The following CDH18 variants were observed in gnomAD, a reference collection of about 807,000 sequenced individuals.
CDH18 encodes the protein cadherin 18, also known as cadherin-18.
A neutral mutation model predicts 67.9 loss-of-function variants in CDH18; 31 were observed. The observed-to-expected ratio is 0.46, with a 90% confidence interval of 0.34 to 0.62. CDH18 has a LOEUF of 0.62. Among genes scored for constraint, CDH18 ranks in the 20% least tolerant of loss-of-function variants. CDH18 has a pLI of 0.01. For synonymous variants in CDH18, 362 were observed against 347.2 expected (o/e 1.04, Z -0.48); for missense variants, 890 against 975.5 (o/e 0.91, Z 1.17).
chr5:20,569,451 T>C (rs1255908482), intron 1 of CDH18, among the ~76,000 whole-genome samples: 1 of 151,996 alleles, frequency 6.6e-6, no homozygotes, highest in Non-Finnish European at 1.5e-5. Flanking sequence ...GGAAACCCCA[T>C]CTCTACTGAA....
At chr5:19,955,413 GGGTATTTTA>G (rs1796167672) in intron 2 of CDH18, among the ~76,000 whole-genome samples, 1 of 152,002 alleles carries the variant, frequency 6.6e-6, no homozygotes, top group Non-Finnish European at 1.5e-5. Context: ...CAAAAACACT[GGGTATTTTA>G]ACAATGGAAT....
chr5:19,514,180 C>T (rs1745560180), intron 10 of CDH18, among the ~76,000 whole-genome samples: 1 of 152,124 alleles, frequency 6.6e-6, no homozygotes. Context: ...GGGAACTCAT[C>T]GTTTTTATGG....
intron 2 of CDH18, among the ~76,000 whole-genome samples, chr5:19,941,978 G>A (rs895320256): frequency 5.9e-5 from 9 of 152,076 alleles, no homozygotes; most frequent in Non-Finnish European, 1.2e-4. Flanking sequence ...CTCCCTTCAA[G>A]TTGACCTTCT....
chr5:19,473,807 C>G lies in CDH18; in HGVS notation c.1883-91G>C. 3 of 1,097,940 alleles carry G rather than the reference C, an allele frequency of 2.7e-6. No individual in the cohort carries two copies. The South Asian group carries it at 4.5e-5, about 16-fold the overall frequency. 68.0% of individuals were successfully genotyped at this position (1,097,940 alleles called of 1,614,324 possible). On this transcript the variant is annotated intron_variant, in intron 12 of 12. Coordinates refer to ENST00000382275, the MANE Select transcript of CDH18 (RefSeq NM_004934.5). ...AACAGCAATTTCCCATTTTCCCATT[C>G]GTCATTAACCACATTCCAGAGTTAG...
At chr5:20,025,644 G>T (rs1300163247) in intron 2 of CDH18, among the ~76,000 whole-genome samples, 1 of 152,102 alleles carries the variant, frequency 6.6e-6, no homozygotes, top group African/African-American at 2.4e-5. Flanking sequence ...GCCCAAATAT[G>T]ATTTTCTTTT....
intron 10 of CDH18, among the ~76,000 whole-genome samples, chr5:19,512,819 A>G (rs1221237246): frequency 6.6e-6 from 1 of 152,050 alleles, no homozygotes; most frequent in Non-Finnish European, 1.5e-5. Context: ...AAATATTTTA[A>G]TTATGACATT....
In CDH18 at chr5:19,785,890, CTA is replaced by C. The variant is rs1775727179; in HGVS notation, c.229-38656_229-38655del. Among the ~76,000 whole-genome samples, 9 of 150,550 alleles carry C rather than the reference CTA, an allele frequency of 6.0e-5. No individual in the cohort carries two copies. The South Asian group carries it at 1.9e-3, about 32-fold the overall frequency. On this transcript the variant is annotated intron_variant, in intron 3 of 12. Transcript: ENST00000382275. ...TAGTTATTGTTAAAATCTTGAAAGA[CTA>C]AAACTAATTTAATTTACATGTTCAG...
intron 2 of CDH18, among the ~76,000 whole-genome samples, chr5:19,915,510 A>G (rs1791665686): frequency 6.6e-6 from 1 of 152,182 alleles, no homozygotes; most frequent in Non-Finnish European, 1.5e-5. Flanking sequence ...CCTACTGTTG[A>G]CTGGAAGCCT....
chr5:20,531,774 G>A (rs1037798111), intron 1 of CDH18, among the ~76,000 whole-genome samples: 1 of 152,000 alleles, frequency 6.6e-6, no homozygotes, highest in Non-Finnish European at 1.5e-5. Flanking sequence ...TTAGGATAAA[G>A]AGCTAATACA....
chr5:20,071,486 G>T (rs1431934700), intron 2 of CDH18, among the ~76,000 whole-genome samples: 1 of 151,978 alleles, frequency 6.6e-6, no homozygotes, highest in East Asian at 1.9e-4. Context: ...AATGTGCACA[G>T]GCTACTGGAG....
intron 5 of CDH18, among the ~76,000 whole-genome samples, chr5:19,718,487 A>G (rs1406361768): frequency 6.6e-6 from 1 of 151,986 alleles, no homozygotes; most frequent in Non-Finnish European, 1.5e-5. Context: ...AATTTCAACT[A>G]AATTCATTAG....
At position 19,811,158 on chromosome 5, in the gene CDH18, GA is replaced by G. The variant is rs1467648638; in HGVS notation, c.228+27600del. On this transcript the variant is annotated intron_variant, in intron 3 of 12. Coordinates refer to ENST00000382275, the MANE Select transcript of CDH18 (RefSeq NM_004934.5). The stretch of plus-strand genomic sequence containing the variant: ...AGAAAGAAAGAAAGAAAGAAAGAAA[GA>G]AGGAGAGAAAGAAAGAGAAGAAAGA... 3.7e-3 allele frequency among the ~76,000 whole-genome samples: 69 copies of G among 18,520 alleles called. 3 individuals carry two copies. Among genetic ancestry groups the G allele is most frequent in the Non-Finnish European group, 3.9e-3 (40 of 10,228 alleles). 12.1% of individuals were successfully genotyped at this position (18,520 alleles called of 152,430 possible). A position where few individuals can be genotyped will look rare whatever the true frequency, so the allele number is the denominator to read the frequency against.
At chr5:19,642,854 A>T (rs1754215337) in intron 5 of CDH18, among the ~76,000 whole-genome samples, 1 of 152,124 alleles carries the variant, frequency 6.6e-6, no homozygotes, top group Non-Finnish European at 1.5e-5. Flanking sequence ...ATTTGCTGCA[A>T]ATAAAACAAT....
At chr5:20,008,506 C>A (rs945584585) in intron 2 of CDH18, among the ~76,000 whole-genome samples, 4 of 152,070 alleles carry the variant, frequency 2.6e-5, no homozygotes, top group African/African-American at 9.7e-5. Flanking sequence ...GTATAACAAC[C>A]GTGTTTCCCA....
At chr5:20,328,138 G>T (rs28441634) in intron 1 of CDH18, among the ~76,000 whole-genome samples, 14,814 of 151,942 alleles carry the variant, frequency 0.097, 1,185 homozygotes, top group East Asian at 0.37. Flanking sequence ...TAGGGGCTTT[G>T]TGGGACTTAG....
At chr5:19,496,421 C>T (rs552171740) in intron 11 of CDH18, among the ~76,000 whole-genome samples, 1 of 152,272 alleles carries the variant, frequency 6.6e-6, no homozygotes, top group Admixed American at 6.5e-5. Context: ...GTGTTGGAAT[C>T]TTAGTCACCG....
intron 9 of CDH18, among the ~76,000 whole-genome samples, chr5:19,532,743 G>A (rs1748835241): frequency 6.6e-6 from 1 of 152,212 alleles, no homozygotes; most frequent in Non-Finnish European, 1.5e-5. Context: ...TGCGGTGGAA[G>A]TGAGATAAAT....
chr5:19,604,544 C>G (rs1307728644), intron 6 of CDH18, among the ~76,000 whole-genome samples: 5 of 145,516 alleles, frequency 3.4e-5, no homozygotes, highest in African/African-American at 1.3e-4. Flanking sequence ...CACACACACA[C>G]ACACACACAC....
chr5:20,346,619 C>T (rs1391848556), intron 1 of CDH18, among the ~76,000 whole-genome samples: 4 of 152,070 alleles, frequency 2.6e-5, no homozygotes, highest in South Asian at 2.1e-4. Context: ...CACAGTGGTG[C>T]GAGGGATGTA....
Sources: allele counts gnomAD v4.1 joint callset (sites outside exome capture counted in the v4.1 genomes callset), GRCh38; gene constraint gnomAD v4.1.1; transcripts MANE v1.5; gene names NCBI Gene and HGNC (gene_info 2026-07-23, HGNC 2026-07-21).